The following PRKN variants were observed in gnomAD, a reference collection of about 807,000 sequenced individuals.
PRKN encodes the protein E3 ubiquitin-protein ligase parkin.
PRKN carries 56 observed loss-of-function variants against 59.5 expected under a neutral mutation model. The observed-to-expected ratio is 0.94, with a 90% CI of 0.76 to 1.18. The LOEUF (loss-of-function observed/expected upper bound fraction) is 1.18. PRKN is among the 50% of genes most tolerant of loss of function. The pLI is 0.00. For synonymous variants in PRKN, 250 were observed against 222.1 expected (o/e 1.13, Z -1.12); for missense variants, 657 against 596.4 (o/e 1.10, Z -1.06).
At chr6:162,709,920 G>A (rs781363883) in intron 1 of PRKN, among the ~76,000 whole-genome samples, 17 of 152,026 alleles carry the variant, frequency 1.1e-4, no homozygotes, top group African/African-American at 3.9e-4. Context: ...TGGGAATAAG[G>A]GTCCCTACTG....
chr6:162,678,340 T>C (rs1365747181), intron 1 of PRKN, among the ~76,000 whole-genome samples: 2 of 152,214 alleles, frequency 1.3e-5, no homozygotes, highest in Non-Finnish European at 2.9e-5. Flanking sequence ...GGCTATGTCA[T>C]AAGGCAGCTG....
At chr6:162,263,444 A>C (rs1342357248) in intron 2 of PRKN, among the ~76,000 whole-genome samples, 1 of 152,076 alleles carries the variant, frequency 6.6e-6, no homozygotes, top group African/African-American at 2.4e-5. Context: ...ACTGGTGGGG[A>C]AGCAAGACAG....
intron 6 of PRKN, among the ~76,000 whole-genome samples, chr6:161,946,424 T>A (rs879627560): frequency 0.28 from 30,947 of 109,150 alleles, 3,747 homozygotes; most frequent in Non-Finnish European, 0.39. Context: ...ACTCTCTCTC[T>A]CTCTCTCTCT....
chr6:162,277,903 A>G (rs1780707082), intron 2 of PRKN, among the ~76,000 whole-genome samples: 1 of 152,206 alleles, frequency 6.6e-6, no homozygotes, highest in African/African-American at 2.4e-5. Context: ...CACACAATGC[A>G]GCAATACCTG....
intron 6 of PRKN, among the ~76,000 whole-genome samples, chr6:161,939,928 C>T (rs1210732910): frequency 6.0e-5 from 9 of 149,918 alleles, no homozygotes; most frequent in Admixed American, 3.3e-4. Context: ...GACAGAGTTT[C>T]GCTCTTGTTG....
intron 1 of PRKN, among the ~76,000 whole-genome samples, chr6:162,556,364 T>G (rs868592193): frequency 2.2e-5 from 2 of 91,172 alleles, no homozygotes; most frequent in Non-Finnish European, 5.1e-5. Flanking sequence ...TGTGTGTGTG[T>G]GTGTGTGTGT....
In PRKN at chr6:161,350,199, T is replaced by G. The variant is rs1410059451; in HGVS notation, c.1298A>C (p.His433Pro). ...GCACTGGGGCTGCGGACACTTCATG[T>G]GCATGCAGCCTCCTGTTGGGGGCAG... ...VPVEKNGGCM[H>P]MKCPQPQCRL... is the part of the protein sequence containing the mutation. The change falls in exon 12 of 12, where the codon CAC (histidine) becomes CCC (proline). Residue 433 changes from histidine (H) to proline (P), a missense_variant. Coordinates refer to ENST00000366898, the MANE Select transcript of PRKN (RefSeq NM_004562.3). The G allele has an allele frequency of 1.9e-6, 3 of 1,613,100 alleles. No homozygotes were observed. Among genetic ancestry groups the G allele is most frequent in the Non-Finnish European group, 2.5e-6 (3 of 1,179,542 alleles).
At chr6:161,565,392 C>A (rs552608865) in intron 8 of PRKN, among the ~76,000 whole-genome samples, 1 of 152,200 alleles carries the variant, frequency 6.6e-6, no homozygotes, top group East Asian at 1.9e-4. Flanking sequence ...GGCTGTGTCC[C>A]CACCCAAATT....
rs1779979360 is a variant in PRKN, at chr6:161,550,738, C to CGTGTGTGTGTGTGTGTGTGTGTGCGT, written c.934-1736_934-1735insACGCACACACACACACACACACACAC. ...AAGAAAGGGTATGTGTGTGTGTGCA[C>CGTGTGTGTGTGTGTGTGTGTGTGCGT]GTGTGTGTGTGTGTGTGTGTGTGTA... On this transcript the variant is annotated intron_variant, in intron 8 of 11. Coordinates refer to ENST00000366898, the MANE Select transcript of PRKN (RefSeq NM_004562.3). The surrounding 1 kb of genome is among the most constrained non-coding windows in gnomAD (Gnocchi z 4.0). 6.8e-6 allele frequency among the ~76,000 whole-genome samples: 1 copy of CGTGTGTGTGTGTGTGTGTGTGTGCGT among 146,192 alleles called. No homozygotes were observed. The highest frequency in any genetic ancestry group is 1.5e-5 in the Non-Finnish European group (1 of 66,762).
chr6:162,601,570 C>T (rs1313744997), intron 1 of PRKN, among the ~76,000 whole-genome samples: 2 of 152,106 alleles, frequency 1.3e-5, no homozygotes, highest in Non-Finnish European at 2.9e-5. Context: ...GTTTCCCTTT[C>T]CTCGAACCCT....
rs117199481 is a variant in PRKN at position 162,295,176 on chromosome 6, C to T, written c.172-32411G>A. Among the ~76,000 whole-genome samples the T allele has an allele frequency of 9.0e-4, 137 of 152,316 alleles. 2 individuals are homozygous for T. In the East Asian group the frequency reaches 0.022, roughly 25 times the overall value. ...GCTTGTGCGTGACAACATCAGGGAG[C>T]TCTTCCAAATGCTGGTCGCTCGGTA... On this transcript the variant is annotated intron_variant, in intron 2 of 11. Transcript: ENST00000366898.
chr6:161,933,213 G>A (rs1172906066), intron 6 of PRKN, among the ~76,000 whole-genome samples: 1 of 152,188 alleles, frequency 6.6e-6, no homozygotes, highest in East Asian at 1.9e-4. Flanking sequence ...CTGGGAGGCA[G>A]AGGCAGCAAT....
intron 6 of PRKN, among the ~76,000 whole-genome samples, chr6:161,831,534 A>C (rs570671814): frequency 6.6e-6 from 1 of 152,192 alleles, no homozygotes; most frequent in Non-Finnish European, 1.5e-5. Context: ...AACATTAGCC[A>C]TGCATTTCAA....
chr6:162,442,503 G>C (rs1790106755), intron 2 of PRKN, among the ~76,000 whole-genome samples: 1 of 152,168 alleles, frequency 6.6e-6, no homozygotes, highest in South Asian at 2.1e-4. Context: ...CGGGTCTCTA[G>C]TTCTAGGTGA....
At chr6:162,590,940 G>C (rs1781281318) in intron 1 of PRKN, among the ~76,000 whole-genome samples, 1 of 151,986 alleles carries the variant, frequency 6.6e-6, no homozygotes, top group South Asian at 2.1e-4. Context: ...TAGCCTCTCA[G>C]CTTGGGAGCT....
At chr6:161,392,504 C>CCTCTCTCTCT (rs67425763) in intron 9 of PRKN, among the ~76,000 whole-genome samples, 1 of 145,308 alleles carries the variant, frequency 6.9e-6, no homozygotes, top group African/African-American at 2.5e-5. Flanking sequence ...ATAGTTCAAA[C>CCTCTCTCTCT]CTCTCTCTCT....
chr6:162,198,278 G>T (rs1158800604), intron 4 of PRKN, among the ~76,000 whole-genome samples: 1 of 152,050 alleles, frequency 6.6e-6, no homozygotes, highest in African/African-American at 2.4e-5. Flanking sequence ...AAAACACAGG[G>T]ATTGAACATC....
At chr6:162,699,629 T>C (rs1248079954) in intron 1 of PRKN, among the ~76,000 whole-genome samples, 2 of 152,212 alleles carry the variant, frequency 1.3e-5, no homozygotes, top group Non-Finnish European at 2.9e-5. Context: ...AGAATAAAAG[T>C]GTCTCCAATA....
intron 7 of PRKN, 129 bp downstream of exon 7, chr6:161,785,643 A>G: frequency 1.1e-6 from 1 of 898,684 alleles, no homozygotes; most frequent in South Asian, 1.4e-5. Flanking sequence ...TTAATGTTTC[A>G]TATCCAGCAA....
Sources: allele counts gnomAD v4.1 joint callset (sites outside exome capture counted in the v4.1 genomes callset), GRCh38; gene constraint gnomAD v4.1.1; non-coding constraint Gnocchi (gnomAD v3.1); transcripts MANE v1.5; gene names NCBI Gene and HGNC (gene_info 2026-07-23, HGNC 2026-07-21).